BMPR2: variants seen among roughly 807,000 people sequenced by gnomAD.
The protein encoded by BMPR2 is bone morphogenetic protein receptor type-2.
Under a neutral mutation model 100.8 loss-of-function variants are expected in BMPR2, and 29 were observed. That is an observed-to-expected ratio of 0.29 (90% CI 0.21 to 0.39). The LOEUF is 0.39. Ranked by LOEUF, BMPR2 falls within the 10% of genes least tolerant of loss-of-function variation. The probability of loss-of-function intolerance (pLI) is 1.00; values close to 1 mark genes in which losing one functional copy is unlikely to be tolerated. For missense variants in BMPR2, 1,011 were observed against 1,274.5 expected, an observed-to-expected ratio of 0.79 and a Z score of 3.15; for synonymous variants, 382 against 442.3, an observed-to-expected ratio of 0.86 and a Z score of 1.71.
chr2:202,527,638 T>A (rs2106015247), intron 7 of BMPR2, among the ~76,000 whole-genome samples: 1 of 149,040 alleles, frequency 6.7e-6, no homozygotes, highest in African/African-American at 2.5e-5. Flanking sequence ...ACAAAAAAAA[T>A]TAGCCGGGCG....
At chr2:202,392,756 G>T (rs1484425929) in intron 1 of BMPR2, among the ~76,000 whole-genome samples, 2 of 151,982 alleles carry the variant, frequency 1.3e-5, no homozygotes. Flanking sequence ...ATTTTGGGAG[G>T]CCGAGGCGGG....
chr2:202,389,321 A>T (rs889467025), intron 1 of BMPR2, among the ~76,000 whole-genome samples: 3 of 151,784 alleles, frequency 2.0e-5, no homozygotes, highest in Non-Finnish European at 2.9e-5. Context: ...AGGTCAGGAG[A>T]TTGAGACCAT....
chr2:202,508,070 CTATTATTATTAT>C lies in BMPR2; in HGVS notation c.419-5617_419-5606del, dbSNP rs4032712. On this transcript the variant is annotated intron_variant, in intron 3 of 12. Coordinates refer to ENST00000374580, the MANE Select transcript of BMPR2 (RefSeq NM_001204.7). The stretch of plus-strand genomic sequence containing the variant: ...TTATCTAAAAAGCTGTCATTTGAGG[CTATTATTATTAT>C]TATTATTATTATTATTATTATTATT... Among the ~76,000 whole-genome samples, 793 of 139,766 alleles carry C rather than the reference CTATTATTATTAT, an allele frequency of 5.7e-3. 10 individuals are homozygous for C. The highest frequency in any genetic ancestry group is 0.011 in the African/African-American group (419 of 38,016). The allele number at this position is 139,766 out of a possible 152,430, so 91.7% of individuals were successfully genotyped here. A position where few individuals can be genotyped will look rare whatever the true frequency, so the allele number is the denominator to read the frequency against.
chr2:202,483,976 C>T (rs1014883835), intron 3 of BMPR2, among the ~76,000 whole-genome samples: 3 of 152,274 alleles, frequency 2.0e-5, no homozygotes, highest in South Asian at 4.1e-4. Context: ...CACCTATAGT[C>T]CTAGCTACTC....
Position 202,464,898 on chromosome 2 carries a change from G to A in BMPR2, c.166G>A (p.Gly56Arg). 6.2e-7 allele frequency: 1 copy of A among 1,614,112 alleles called. No homozygotes were observed. Residue 56 changes from glycine (G) to arginine (R), a missense_variant, in exon 2 of 13, where the codon GGG becomes AGG. By Grantham distance (125) the Gly-to-Arg change is moderately radical (BLOSUM62 -2). This residue lies in a region of BMPR2 where 355 missense variants were observed against 455.3 expected (regional missense o/e 0.78). Coordinates refer to ENST00000374580, the MANE Select transcript of BMPR2 (RefSeq NM_001204.7). Reference sequence around the variant, plus strand: ...TGAGAGTAGAATCTCTCATGAAAATGGGACAATATTATGCTCGAAAGGTAG... The same window carrying A: ...TGAGAGTAGAATCTCTCATGAAAATAGGACAATATTATGCTCGAAAGGTAG... Reference protein sequence around the residue: ...IGESRISHENGTILCSKGSTC... With the variant: ...IGESRISHENRTILCSKGSTC...
Position 202,376,981 on chromosome 2 carries a change from G to T in BMPR2, c.-494G>T, listed in dbSNP as rs1690159725. 1 of 442,260 alleles carries T rather than the reference G, an allele frequency of 2.3e-6. No individual in the cohort carries two copies. Among genetic ancestry groups the T allele is most frequent in the East Asian group, 3.4e-5 (1 of 29,744 alleles). 27.4% of individuals were successfully genotyped at this position (442,260 alleles called of 1,614,324 possible). On this transcript the variant is annotated 5_prime_UTR_variant, in exon 1 of 13. Coordinates refer to ENST00000374580, the MANE Select transcript of BMPR2 (RefSeq NM_001204.7). ...TAAGGAATCCTGCCTTCCCGGAGCC[G>T]CGGGCGATGCGACTAGGGCTGCCGG...
intron 1 of BMPR2, among the ~76,000 whole-genome samples, chr2:202,386,942 C>G (rs1441566287): frequency 1.3e-5 from 2 of 152,180 alleles, no homozygotes; most frequent in East Asian, 3.9e-4. Context: ...CTCGGCCTCC[C>G]AAAGTGCTAG....
At chr2:202,428,412 T>TA (rs1691436925) in intron 1 of BMPR2, among the ~76,000 whole-genome samples, 1 of 151,960 alleles carries the variant, frequency 6.6e-6, no homozygotes, top group Non-Finnish European at 1.5e-5. Flanking sequence ...CTCTCTTTTT[T>TA]TTTTAAGAGA....
intron 11 of BMPR2, among the ~76,000 whole-genome samples, chr2:202,553,271 T>C (rs1404750106): frequency 6.6e-6 from 1 of 152,086 alleles, no homozygotes; most frequent in Non-Finnish European, 1.5e-5. Context: ...TTTAAGTAAA[T>C]GGAACTATGA....
chr2:202,439,336 T>A (rs1261873031), intron 1 of BMPR2, among the ~76,000 whole-genome samples: 2 of 149,230 alleles, frequency 1.3e-5, no homozygotes, highest in Non-Finnish European at 2.9e-5. Context: ...TGAACTTTTA[T>A]TAGCTCTAGT....
At chr2:202,497,215 G>A (rs890187504) in intron 3 of BMPR2, among the ~76,000 whole-genome samples, 9 of 152,324 alleles carry the variant, frequency 5.9e-5, no homozygotes, top group Non-Finnish European at 1.0e-4. Flanking sequence ...CCCCTGTGCG[G>A]CCCGAGCCTC....
chr2:202,426,665 C>G (rs759887685), intron 1 of BMPR2, among the ~76,000 whole-genome samples: 1 of 151,206 alleles, frequency 6.6e-6, no homozygotes, highest in African/African-American at 2.4e-5. Context: ...GAGGATCACT[C>G]GAGGTCAGGA....
At chr2:202,444,988 A>G (rs1471949494) in intron 1 of BMPR2, among the ~76,000 whole-genome samples, 1 of 149,978 alleles carries the variant, frequency 6.7e-6, no homozygotes, top group Non-Finnish European at 1.5e-5. Flanking sequence ...GCGTTTCACC[A>G]TATTGGTCAG....
chr2:202,448,388 A>C (rs1691899851), intron 1 of BMPR2, among the ~76,000 whole-genome samples: 1 of 150,106 alleles, frequency 6.7e-6, no homozygotes, highest in South Asian at 2.1e-4. Context: ...CGGAGCTTGC[A>C]GTGAGCCGAG....
intron 1 of BMPR2, among the ~76,000 whole-genome samples, chr2:202,411,881 A>G (rs1404606108): frequency 6.6e-6 from 1 of 152,184 alleles, no homozygotes; most frequent in Non-Finnish European, 1.5e-5. Context: ...GGACTATTGC[A>G]TATTGGAGCG....
intron 9 of BMPR2, among the ~76,000 whole-genome samples, chr2:202,537,084 C>T: frequency 6.6e-6 from 1 of 151,890 alleles, no homozygotes; most frequent in East Asian, 1.9e-4. Flanking sequence ...TTTGTCGAGA[C>T]AGTGTTTTGC....
At chr2:202,497,065 C>T (rs1574478149) in intron 3 of BMPR2, among the ~76,000 whole-genome samples, 1 of 152,220 alleles carries the variant, frequency 6.6e-6, no homozygotes, top group African/African-American at 2.4e-5. Flanking sequence ...CCAGCGGCTG[C>T]GGGGGGTGCA....
chr2:202,479,657 C>T lies in BMPR2; in HGVS notation c.418+11968C>T, dbSNP rs118085210. Among the ~76,000 whole-genome samples the T allele has an allele frequency of 2.2e-4, 34 of 152,178 alleles. No homozygotes were observed. The East Asian group carries it at 6.6e-3, about 29-fold the overall frequency. ...AAACACATGCTTGAGATGGGGTGTGCAGTAATAAGCACTACTGTGTTTTAA... is the reference window on the plus strand; with the variant it reads ...AAACACATGCTTGAGATGGGGTGTGTAGTAATAAGCACTACTGTGTTTTAA... On this transcript the variant is annotated intron_variant, in intron 3 of 12. Coordinates refer to ENST00000374580, the MANE Select transcript of BMPR2 (RefSeq NM_001204.7).
At chr2:202,465,576 T>C (rs2105960409) in intron 2 of BMPR2, among the ~76,000 whole-genome samples, 1 of 152,134 alleles carries the variant, frequency 6.6e-6, no homozygotes, top group East Asian at 1.9e-4. Context: ...ATATTTTTAC[T>C]GGCCGGGCGT....
Sources: allele counts gnomAD v4.1 joint callset (sites outside exome capture counted in the v4.1 genomes callset), GRCh38; gene constraint gnomAD v4.1.1; regional missense constraint gnomAD v4.1.1; transcripts MANE v1.5; gene names NCBI Gene and HGNC (gene_info 2026-07-23, HGNC 2026-07-21).